Variants in NTRK3 observed in about 807,000 individuals in gnomAD.
The protein encoded by NTRK3 is neurotrophic receptor tyrosine kinase 3.
A neutral mutation model predicts 91.7 loss-of-function variants in NTRK3; 24 were observed. That is an observed-to-expected ratio of 0.26 (90% CI 0.19 to 0.37). The LOEUF (loss-of-function observed/expected upper bound fraction) is 0.37, where lower values mean the gene tolerates loss of function less well. NTRK3 is among the 10% of genes least tolerant of loss of function. The probability of loss-of-function intolerance (pLI) is 1.00; values close to 1 mark genes in which losing one functional copy is unlikely to be tolerated. For synonymous variants in NTRK3, 483 were observed against 404.0 expected (o/e 1.20, Z -2.34); for missense variants, 880 against 1,068.9 (o/e 0.82, Z 2.46).
exon 19 of NTRK3, chr15:87,872,898 C>T (rs11073751): frequency 0.67 from 156,137 of 232,752 alleles, 52,571 homozygotes; most frequent in East Asian, 0.72. Flanking sequence ...ACCTCTTAAA[C>T]GTCTCAAATG....
chr15:88,138,832 T>C lies in NTRK3; in HGVS notation c.465-1271A>G, dbSNP rs576125567. On this transcript the variant is annotated intron_variant, in intron 6 of 18. Transcript: ENST00000394480. Reference sequence around the variant, plus strand: ...CTCCCTGAATAAAAATTAAACTCCATTGAGGTCAGCAACATTGCCTGTTTT... The same window carrying C: ...CTCCCTGAATAAAAATTAAACTCCACTGAGGTCAGCAACATTGCCTGTTTT... Among the ~76,000 whole-genome samples, 13 of 152,356 alleles carry C rather than the reference T, an allele frequency of 8.5e-5. No homozygotes were observed. The East Asian group carries it at 9.6e-4, about 11-fold the overall frequency.
intron 5 of NTRK3, among the ~76,000 whole-genome samples, chr15:88,180,432 A>G (rs2151584201): frequency 6.6e-6 from 1 of 152,336 alleles, no homozygotes; most frequent in East Asian, 1.9e-4. Context: ...ATAAACCATG[A>G]CGTAAGGCCC....
chr15:88,111,151 G>C (rs1350025110), intron 13 of NTRK3, among the ~76,000 whole-genome samples: 1 of 152,200 alleles, frequency 6.6e-6, no homozygotes, highest in Non-Finnish European at 1.5e-5. Context: ...ATGGTTTGGG[G>C]CTCAATGGCT....
At chr15:88,088,279 T>C (rs1456832461) in intron 13 of NTRK3, among the ~76,000 whole-genome samples, 1 of 152,192 alleles carries the variant, frequency 6.6e-6, no homozygotes. Context: ...AACTATCAGC[T>C]CCTATGTTTA....
intron 17 of NTRK3, among the ~76,000 whole-genome samples, chr15:87,899,578 G>A (rs571343416): frequency 1.2e-4 from 19 of 152,082 alleles, no homozygotes; most frequent in Non-Finnish European, 2.1e-4. Flanking sequence ...GAGCCTTTGG[G>A]CCCCCCTTTT....
intron 5 of NTRK3, among the ~76,000 whole-genome samples, chr15:88,148,374 GT>G (rs1281029808): frequency 6.6e-6 from 1 of 152,204 alleles, no homozygotes; most frequent in East Asian, 1.9e-4. Context: ...TTATATTCAA[GT>G]TACAGATGAA....
intron 3 of NTRK3, among the ~76,000 whole-genome samples, chr15:88,247,052 TAC>T (rs2052903385): frequency 6.6e-6 from 1 of 152,314 alleles, no homozygotes. Context: ...AAGGTCTGTT[TAC>T]AGAGACCTCA....
At chr15:87,997,864 A>C (rs953012522) in intron 14 of NTRK3, among the ~76,000 whole-genome samples, 2 of 152,204 alleles carry the variant, frequency 1.3e-5, no homozygotes, top group Non-Finnish European at 2.9e-5. Flanking sequence ...CTGTAGAATG[A>C]GAACCAGATG....
intron 17 of NTRK3, among the ~76,000 whole-genome samples, chr15:87,910,016 A>G (rs1316672863): frequency 6.6e-6 from 1 of 152,174 alleles, no homozygotes; most frequent in East Asian, 1.9e-4. Context: ...GGCCTCATGC[A>G]AAGGTGGAAA....
intron 14 of NTRK3, among the ~76,000 whole-genome samples, chr15:87,974,466 G>A (rs1639821190): frequency 6.6e-6 from 1 of 151,876 alleles, no homozygotes; most frequent in South Asian, 2.1e-4. Context: ...CCCTTGCCCA[G>A]ACCTGGGCAG....
chr15:87,901,087 G>A (rs1308552236), intron 17 of NTRK3, among the ~76,000 whole-genome samples: 1 of 152,166 alleles, frequency 6.6e-6, no homozygotes, highest in Non-Finnish European at 1.5e-5. Flanking sequence ...AAGAGATGGA[G>A]GAGCTGTACC....
chr15:88,242,143 G>T (rs1208415532), intron 3 of NTRK3, among the ~76,000 whole-genome samples: 1 of 152,148 alleles, frequency 6.6e-6, no homozygotes, highest in Non-Finnish European at 1.5e-5. Context: ...TCTCACTTCC[G>T]CTCTCCCTCC....
At chr15:88,088,789 T>C (rs1597236742) in intron 13 of NTRK3, among the ~76,000 whole-genome samples, 1 of 152,182 alleles carries the variant, frequency 6.6e-6, no homozygotes, top group East Asian at 1.9e-4. Flanking sequence ...GAAGGCCCTA[T>C]AGCTGGGAAT....
intron 13 of NTRK3, among the ~76,000 whole-genome samples, chr15:88,099,516 G>C (rs2049963464): frequency 6.6e-6 from 1 of 152,128 alleles, no homozygotes; most frequent in Non-Finnish European, 1.5e-5. Context: ...AGTTGGCCAG[G>C]TATTCCCTGA....
chr15:87,968,803 A>G (rs560385553), intron 14 of NTRK3, among the ~76,000 whole-genome samples: 93 of 152,268 alleles, frequency 6.1e-4, no homozygotes, highest in African/African-American at 1.8e-3. Flanking sequence ...GAAGCTTGTG[A>G]TTCTAACTGC....
intron 3 of NTRK3, among the ~76,000 whole-genome samples, chr15:88,232,150 C>G (rs2051251466): frequency 6.6e-6 from 1 of 152,080 alleles, no homozygotes. Context: ...TGGCTGTGTG[C>G]TGCACCTTCC....
At chr15:88,195,524 G>A (rs373885510) in intron 3 of NTRK3, among the ~76,000 whole-genome samples, 2 of 152,234 alleles carry the variant, frequency 1.3e-5, no homozygotes, top group Non-Finnish European at 2.9e-5. Flanking sequence ...ACCACTTGAA[G>A]AGTCTAAAGC....
At chr15:88,246,880 A>C (rs2052879230) in intron 3 of NTRK3, among the ~76,000 whole-genome samples, 1 of 152,182 alleles carries the variant, frequency 6.6e-6, no homozygotes, top group African/African-American at 2.4e-5. Flanking sequence ...CTGGCTCAGG[A>C]AATGCTCTGA....
At chr15:88,195,624 G>A (rs2047749675) in intron 3 of NTRK3, among the ~76,000 whole-genome samples, 1 of 152,232 alleles carries the variant, frequency 6.6e-6, no homozygotes, top group Non-Finnish European at 1.5e-5. Flanking sequence ...GTCTACAAAT[G>A]AGAATCAAAT....
Sources: gnomAD v4.1 joint callset for allele counts (sites outside exome capture counted in the v4.1 genomes callset) on GRCh38, gnomAD v4.1.1 for gene constraint, MANE v1.5 for transcripts, NCBI Gene and HGNC (gene_info 2026-07-23, HGNC 2026-07-21) for gene names.